The following FCRL4 variants were observed in gnomAD, a reference collection of about 807,000 sequenced individuals.
FCRL4 encodes Fc receptor-like protein 4.
FCRL4 carries 43 observed loss-of-function variants against 64.1 expected under a neutral mutation model. The observed-to-expected ratio is 0.67, with a 90% CI of 0.53 to 0.87. FCRL4 has a LOEUF of 0.87. FCRL4 is among the 40% of genes least tolerant of loss of function. The pLI is 0.00. For synonymous variants in FCRL4, 253 were observed against 239.8 expected (o/e 1.05, Z -0.51); for missense variants, 656 against 613.5 (o/e 1.07, Z -0.73).
rs1160257625 is a variant in FCRL4 at position 157,587,298 on chromosome 1, G to A, written c.825C>T (p.Pro275=). 1.2e-6 allele frequency: 2 copies of A among 1,614,188 alleles called. No homozygotes were observed. The highest frequency in any genetic ancestry group is 1.7e-6 in the Non-Finnish European group (2 of 1,180,024). The change falls in exon 5 of 12, where the codon CCC becomes CCT. Residue 275 remains proline (P), a synonymous_variant. Transcript: ENST00000271532. ...CACGCTGCACATGGATCTGTAGCGA[G>A]GGACTGTGCTTGTGGATGTTACCCC... ...TVRGNIHKHS[P]SLQIHVQRIP... is the part of the protein sequence containing the mutation.
At chr1:157,577,934 T>C (rs1372829136) in intron 10 of FCRL4, among the ~76,000 whole-genome samples, 1 of 152,142 alleles carries the variant, frequency 6.6e-6, no homozygotes, top group Non-Finnish European at 1.5e-5. Context: ...TGCTCGAGAC[T>C]TACCCTAACA....
chr1:157,590,752 C>T (rs920563615), intron 2 of FCRL4, among the ~76,000 whole-genome samples: 2 of 152,090 alleles, frequency 1.3e-5, no homozygotes, highest in East Asian at 1.9e-4. Context: ...CTCCTGACCT[C>T]GTGATCCACC....
chr1:157,594,764 A>G (rs1652921952), intron 2 of FCRL4, among the ~76,000 whole-genome samples: 1 of 152,218 alleles, frequency 6.6e-6, no homozygotes, highest in African/African-American at 2.4e-5. Flanking sequence ...TTTTAGTTAC[A>G]TCTAAATGTG....
At chr1:157,595,014 C>T (rs1443864077) in intron 2 of FCRL4, among the ~76,000 whole-genome samples, 24 of 152,190 alleles carry the variant, frequency 1.6e-4, no homozygotes, top group Admixed American at 1.4e-3. Context: ...TTCTCCTGCC[C>T]CAGCCTCCTG....
At chr1:157,588,441 G>A (rs182361763) in intron 3 of FCRL4, among the ~76,000 whole-genome samples, 2 of 152,320 alleles carry the variant, frequency 1.3e-5, no homozygotes, top group Admixed American at 6.5e-5. Context: ...CCTGCTCACC[G>A]AGTCTCAGAG....
At chr1:157,586,491 G>A (rs554818139) in intron 5 of FCRL4, 36 bp from the exon 6 acceptor site, 2 of 1,570,994 alleles carry the variant, frequency 1.3e-6, no homozygotes, top group Non-Finnish European at 1.7e-6. Context: ...GGGGTCGGGT[G>A]TGAAGGAGGG....
chr1:157,581,062 C>T (rs1358206326), intron 7 of FCRL4, among the ~76,000 whole-genome samples: 1 of 151,968 alleles, frequency 6.6e-6, no homozygotes, highest in Non-Finnish European at 1.5e-5. Flanking sequence ...TCAGAAAAGC[C>T]CCTGAAAAGC....
intron 10 of FCRL4, among the ~76,000 whole-genome samples, chr1:157,577,684 G>A (rs905302260): frequency 9.9e-5 from 15 of 152,176 alleles, no homozygotes; most frequent in African/African-American, 3.6e-4. Flanking sequence ...AGAGACAGGA[G>A]GAAAACAGAT....
chr1:157,587,167 G>A, intron 5 of FCRL4, 109 bp downstream of exon 5: 1 of 1,277,944 alleles, frequency 7.8e-7, no homozygotes, highest in South Asian at 1.4e-5. Context: ...GCCTAAGCCT[G>A]GTGCCTCTGT....
At chr1:157,585,074 G>C (rs989461168) in intron 6 of FCRL4, among the ~76,000 whole-genome samples, 13 of 152,162 alleles carry the variant, frequency 8.5e-5, no homozygotes, top group Admixed American at 2.6e-4. Context: ...GAGATCATTA[G>C]TAATTTTGGT....
chr1:157,577,795 TAC>T (rs1652448871), intron 10 of FCRL4, among the ~76,000 whole-genome samples: 1 of 152,164 alleles, frequency 6.6e-6, no homozygotes, highest in Non-Finnish European at 1.5e-5. Flanking sequence ...GGGTAAGAAC[TAC>T]CAGAAAAGAA....
At position 157,597,928 on chromosome 1, in the gene FCRL4, G is replaced by T; in HGVS notation, c.17C>A (p.Ser6Tyr). Residue 6 changes from serine (S) to tyrosine (Y), a missense_variant, in exon 1 of 12, where the codon TCC becomes TAC. Ser to Tyr is a moderately radical substitution (Grantham distance 144). Transcript: ENST00000271532. ...CCATCACTTACCAAAGGCCAGCAAG[G>T]ACGCCCACAGCAGCATGGAAGCCTG... is the stretch of plus-strand genomic sequence containing the variant. MLLWA[S>Y]LLAFAPVCGQ... 6.2e-7 allele frequency: 1 copy of T among 1,613,442 alleles called. No homozygotes were observed. Among genetic ancestry groups the T allele is most frequent in the South Asian group, 1.1e-5 (1 of 90,944 alleles).
chr1:157,578,803 C>A lies in FCRL4; in HGVS notation c.1327G>T (p.Ala443Ser). The A allele has an allele frequency of 6.2e-7, 1 of 1,613,952 alleles. No individual in the cohort carries two copies. Among genetic ancestry groups the A allele is most frequent in the African/African-American group, 1.3e-5 (1 of 75,054 alleles). ...TACAACGACTGAAGCTCCACCTGGG[C>A]AGGGCAGATGGAATGGGAGGACTCT... ...PGESSHSICP[A>S]QVELQSLYVD... Residue 443 changes from alanine (A) to serine (S), a missense_variant, in exon 9 of 12, where the codon GCC becomes TCC. Ala to Ser is a moderately conservative substitution (Grantham distance 99). Coordinates refer to ENST00000271532, the MANE Select transcript of FCRL4 (RefSeq NM_031282.3).
chr1:157,593,861 T>C (rs537674094), intron 2 of FCRL4, among the ~76,000 whole-genome samples: 1 of 152,338 alleles, frequency 6.6e-6, no homozygotes, highest in African/African-American at 2.4e-5. Context: ...ACAACACAAA[T>C]TATTCACTAT....
chr1:157,585,417 T>G (rs928446422), intron 6 of FCRL4, among the ~76,000 whole-genome samples: 1 of 145,470 alleles, frequency 6.9e-6, no homozygotes, highest in Non-Finnish European at 1.5e-5. Context: ...TTTCTTTCTT[T>G]CTTTCCTTTT....
At position 157,591,663 on chromosome 1, in the gene FCRL4, T is replaced by C. The variant is rs570386522; in HGVS notation, c.53-2205A>G. 5.3e-5 allele frequency among the ~76,000 whole-genome samples: 8 copies of C among 152,274 alleles called. No individual in the cohort carries two copies. The South Asian group carries it at 1.7e-3, about 32-fold the overall frequency. On this transcript the variant is annotated intron_variant, in intron 2 of 11. Coordinates refer to ENST00000271532, the MANE Select transcript of FCRL4 (RefSeq NM_031282.3). Reference sequence around the variant, plus strand: ...CCTCAAAGGCACTCTCTTGTGACAGTAAAATACTAACCCTACATGAAAGTA... The same window carrying C: ...CCTCAAAGGCACTCTCTTGTGACAGCAAAATACTAACCCTACATGAAAGTA...
Position 157,597,961 on chromosome 1 carries a change from A to G in FCRL4, c.-17T>C, listed in dbSNP as rs1361889. On this transcript the variant is annotated 5_prime_UTR_variant, in exon 1 of 12. Transcript: ENST00000271532. The stretch of plus-strand genomic sequence containing the variant: ...CAGCAGCATGGAAGCCTGCTCCAGG[A>G]TTGGAGAAGGAGTTCTGAGGAGACA... 1,230,956 of 1,608,934 alleles carry G rather than the reference A, an allele frequency of 0.77. 472,421 individuals carry two copies. The highest frequency in any genetic ancestry group is 0.9 in the East Asian group (40,521 of 44,810).
At chr1:157,579,574 A>G (rs1486385613) in intron 8 of FCRL4, among the ~76,000 whole-genome samples, 1 of 152,050 alleles carries the variant, frequency 6.6e-6, no homozygotes, top group Non-Finnish European at 1.5e-5. Flanking sequence ...AAAATTAGCT[A>G]GATGTGGTGG....
intron 6 of FCRL4, among the ~76,000 whole-genome samples, chr1:157,584,593 G>A (rs546117256): frequency 3.4e-4 from 52 of 152,046 alleles, no homozygotes; most frequent in Non-Finnish European, 6.2e-4. Flanking sequence ...TTCTCTGCTG[G>A]GAATTACACC....
Sources: gnomAD v4.1 joint callset for allele counts (sites outside exome capture counted in the v4.1 genomes callset) on GRCh38, gnomAD v4.1.1 for gene constraint, MANE v1.5 for transcripts, NCBI Gene and HGNC (gene_info 2026-07-23, HGNC 2026-07-21) for gene names.